Variants in FAM168A observed in about 807,000 individuals in gnomAD.
FAM168A encodes the protein protein FAM168A.
In FAM168A, 3 loss-of-function variants were observed where a neutral mutation model predicts 28.5. The ratio of observed to expected loss-of-function variants is 0.11; its 90% CI spans 0.05 to 0.27. The LOEUF is 0.27. Ranked by LOEUF, FAM168A falls within the 10% of genes least tolerant of loss-of-function variation. The pLI is 1.00. For missense variants in FAM168A, 222 were observed against 311.5 expected (o/e 0.71, Z 2.16); for synonymous variants, 122 against 124.2 (o/e 0.98, Z 0.12).
At chr11:73,440,802 G>T (rs932832257) in intron 2 of FAM168A, among the ~76,000 whole-genome samples, 2 of 152,098 alleles carry the variant, frequency 1.3e-5, no homozygotes, top group African/African-American at 2.4e-5. Flanking sequence ...GTCAGAAGAT[G>T]CCATAAACAA....
intron 1 of FAM168A, among the ~76,000 whole-genome samples, chr11:73,469,397 A>G (rs1867782318): frequency 6.6e-6 from 1 of 152,242 alleles, no homozygotes; most frequent in South Asian, 2.1e-4. Context: ...TTCACAAGAT[A>G]GATGAGCAAT....
At chr11:73,481,321 C>G (rs1292777477) in intron 1 of FAM168A, among the ~76,000 whole-genome samples, 6 of 152,232 alleles carry the variant, frequency 3.9e-5, no homozygotes, top group Non-Finnish European at 7.3e-5. Flanking sequence ...CCATCCCTGA[C>G]TGTAAACCCC....
chr11:73,420,536 G>A (rs1866773574), intron 3 of FAM168A, among the ~76,000 whole-genome samples: 1 of 152,214 alleles, frequency 6.6e-6, no homozygotes, highest in Non-Finnish European at 1.5e-5. Context: ...AGCTTAAAAG[G>A]CACTGGGCAC....
At chr11:73,472,133 C>T (rs976091322) in intron 1 of FAM168A, among the ~76,000 whole-genome samples, 1 of 152,130 alleles carries the variant, frequency 6.6e-6, no homozygotes, top group Non-Finnish European at 1.5e-5. Flanking sequence ...TACCCCTGGT[C>T]CCTGGTGCCA....
At chr11:73,483,595 T>G (rs1429305822) in intron 1 of FAM168A, among the ~76,000 whole-genome samples, 1 of 151,978 alleles carries the variant, frequency 6.6e-6, no homozygotes, top group East Asian at 1.9e-4. Context: ...GTTAAGGAAA[T>G]GAAGATCTGA....
Position 73,402,650 on chromosome 11 carries a change from T to G in FAM168A, c.*4113A>C, listed in dbSNP as rs1298973198. On this transcript the variant is annotated 3_prime_UTR_variant, in exon 8 of 8. Coordinates refer to ENST00000356467, the MANE Select transcript of FAM168A (RefSeq NM_015159.3). ...CTGGATCTGGACAGTGGGCAGGCTC[T>G]CAGGGATTAGGAAGCCAGGTGTGCA... 1 of 152,210 alleles carries G rather than the reference T, an allele frequency of 6.6e-6. No homozygotes were observed. Among genetic ancestry groups the G allele is most frequent in the Non-Finnish European group, 1.5e-5 (1 of 68,058 alleles). The allele number at this position is 152,210 out of a possible 1,614,324, so 9.4% of individuals were successfully genotyped here.
chr11:73,466,881 G>T (rs1867743659), intron 2 of FAM168A, among the ~76,000 whole-genome samples: 1 of 152,092 alleles, frequency 6.6e-6, no homozygotes, highest in South Asian at 2.1e-4. Flanking sequence ...ACAGCCACCA[G>T]GGGTAGGAGA....
intron 1 of FAM168A, among the ~76,000 whole-genome samples, chr11:73,596,649 C>A (rs1050919936): frequency 5.3e-5 from 8 of 152,252 alleles, no homozygotes; most frequent in Admixed American, 2.6e-4. Flanking sequence ...CAAGGCTGTT[C>A]ATTTAAGTAT....
rs957307903 is a variant in FAM168A at position 73,404,326 on chromosome 11, C to T, written c.*2437G>A. 3 of 152,214 alleles carry T rather than the reference C, an allele frequency of 2.0e-5. No homozygotes were observed. The highest frequency in any genetic ancestry group is 4.1e-4 in the South Asian group (2 of 4,826). 9.4% of individuals were successfully genotyped at this position (152,214 alleles called of 1,614,324 possible). A position where few individuals can be genotyped will look rare whatever the true frequency, so the allele number is the denominator to read the frequency against. Reference sequence around the variant, plus strand: ...TGTTCCCTTCCATAACCTGTTTCCTCATTTGTCAATTGACTGTAATAACTC... The same window carrying T: ...TGTTCCCTTCCATAACCTGTTTCCTTATTTGTCAATTGACTGTAATAACTC... On this transcript the variant is annotated 3_prime_UTR_variant, in exon 8 of 8. Coordinates refer to ENST00000356467, the MANE Select transcript of FAM168A (RefSeq NM_015159.3).
At chr11:73,420,183 T>G (rs572401684) in intron 3 of FAM168A, among the ~76,000 whole-genome samples, 184 bp from the exon 4 acceptor site, 25 of 152,290 alleles carry the variant, frequency 1.6e-4, no homozygotes, top group African/African-American at 6.0e-4. Flanking sequence ...GAAGTATGTT[T>G]CCAAATGATT....
At chr11:73,571,755 G>A (rs1459343453) in intron 1 of FAM168A, among the ~76,000 whole-genome samples, 5 of 151,156 alleles carry the variant, frequency 3.3e-5, no homozygotes, top group African/African-American at 4.9e-5. Flanking sequence ...AGTCTGGAAA[G>A]TGAGGAGCAT....
intron 2 of FAM168A, among the ~76,000 whole-genome samples, chr11:73,443,723 C>T (rs1490928738): frequency 6.6e-6 from 1 of 152,176 alleles, no homozygotes; most frequent in Non-Finnish European, 1.5e-5. Context: ...TACTTTTTAG[C>T]TCTGTGACTT....
At chr11:73,493,695 G>C (rs187142746) in intron 1 of FAM168A, among the ~76,000 whole-genome samples, 3 of 152,258 alleles carry the variant, frequency 2.0e-5, no homozygotes, top group Non-Finnish European at 4.4e-5. Context: ...GGGATTACAG[G>C]CATGAGCCAC....
At chr11:73,484,687 GAT>G (rs1565265975) in intron 1 of FAM168A, among the ~76,000 whole-genome samples, 1 of 125,034 alleles carries the variant, frequency 8.0e-6, no homozygotes, top group Admixed American at 7.9e-5. Flanking sequence ...TATCGCTATA[GAT>G]ATATAGATAT....
At chr11:73,518,705 G>A (rs914155213) in intron 1 of FAM168A, among the ~76,000 whole-genome samples, 7 of 152,040 alleles carry the variant, frequency 4.6e-5, no homozygotes, top group African/African-American at 1.7e-4. Flanking sequence ...AAACCAGCCT[G>A]GCCAACATGG....
intron 1 of FAM168A, among the ~76,000 whole-genome samples, chr11:73,544,769 AATT>A (rs558941987): frequency 1.0e-5 from 1 of 95,438 alleles, no homozygotes; most frequent in Non-Finnish European, 1.8e-5. Flanking sequence ...AATTATATAT[AATT>A]ATATATAATT....
chr11:73,408,897 CT>C (rs1717812340), intron 6 of FAM168A, among the ~76,000 whole-genome samples: 1 of 152,078 alleles, frequency 6.6e-6, no homozygotes. Flanking sequence ...AACATTGCCC[CT>C]GTGTCTTCTT....
At chr11:73,445,420 T>TCTCTCTC (rs1491524717) in intron 2 of FAM168A, among the ~76,000 whole-genome samples, 22 of 19,148 alleles carry the variant, frequency 1.1e-3, no homozygotes, top group African/African-American at 5.1e-3. Flanking sequence ...AAAATGTCTC[T>TCTCTCTC]TTTTTTTTTT....
rs1346433460 is a variant in FAM168A at position 73,527,788 on chromosome 11, A to G, written c.-18-59296T>C. On this transcript the variant is annotated intron_variant, in intron 1 of 7. Coordinates refer to ENST00000356467, the MANE Select transcript of FAM168A (RefSeq NM_015159.3). ...TGCTAAATGACAAAACGAAAAAAAA[A>G]AGACTTCAACTTATATAGAGTATGC... Among the ~76,000 whole-genome samples the G allele has an allele frequency of 3.3e-5, 5 of 152,272 alleles. No homozygotes were observed. In the East Asian group the frequency reaches 7.7e-4, roughly 23 times the overall value.
Sources: gnomAD v4.1 joint callset for allele counts (sites outside exome capture counted in the v4.1 genomes callset) on GRCh38, gnomAD v4.1.1 for gene constraint, MANE v1.5 for transcripts, NCBI Gene and HGNC (gene_info 2026-07-23, HGNC 2026-07-21) for gene names.